Variants in DISC1 observed in about 807,000 individuals in gnomAD.
DISC1 encodes disrupted in schizophrenia 1 protein.
In DISC1, 57 loss-of-function variants were observed where a neutral mutation model predicts 84.5. The ratio of observed to expected loss-of-function variants is 0.67; its 90% CI spans 0.55 to 0.84. The LOEUF (loss-of-function observed/expected upper bound fraction) is 0.84. Ranked by LOEUF, DISC1 falls within the 40% of genes least tolerant of loss-of-function variation. DISC1 has a pLI of 0.00. For synonymous variants in DISC1, 411 were observed against 415.2 expected (o/e 0.99, Z 0.12); for missense variants, 1,000 against 1,057.8 (o/e 0.95, Z 0.76).
At chr1:232,022,393 C>T (rs1212321618) in intron 11 of DISC1, among the ~76,000 whole-genome samples, 1 of 151,686 alleles carries the variant, frequency 6.6e-6, no homozygotes, top group Non-Finnish European at 1.5e-5. Flanking sequence ...CTGCAACCTC[C>T]GCCTCCTGGG....
At chr1:231,918,750 C>T (rs919724039) in intron 9 of DISC1, among the ~76,000 whole-genome samples, 1 of 152,118 alleles carries the variant, frequency 6.6e-6, no homozygotes, top group African/African-American at 2.4e-5. Context: ...TGAGAACAAG[C>T]CCAGCAGGAA....
At chr1:231,682,017 T>C (rs2125558733) in intron 1 of DISC1, among the ~76,000 whole-genome samples, 1 of 152,276 alleles carries the variant, frequency 6.6e-6, no homozygotes, top group East Asian at 1.9e-4. Flanking sequence ...TAATTTTTAA[T>C]ATTATGTGCA....
chr1:231,758,111 C>A (rs1050381678), intron 4 of DISC1, among the ~76,000 whole-genome samples: 2 of 151,876 alleles, frequency 1.3e-5, no homozygotes, highest in Non-Finnish European at 2.9e-5. Context: ...TACTAGGAAC[C>A]TTTTGGCCAA....
chr1:231,836,360 G>A (rs2082631830), intron 9 of DISC1, among the ~76,000 whole-genome samples: 1 of 152,114 alleles, frequency 6.6e-6, no homozygotes, highest in African/African-American at 2.4e-5. Context: ...TCAAAGAAAT[G>A]GTAGAGAAAG....
intron 1 of DISC1, among the ~76,000 whole-genome samples, chr1:231,688,397 ATGCGTC>A (rs2064568783): frequency 6.6e-6 from 1 of 152,234 alleles, no homozygotes; most frequent in Non-Finnish European, 1.5e-5. Flanking sequence ...AACTCACAAA[ATGCGTC>A]TGCATCGGGA....
intron 2 of DISC1, among the ~76,000 whole-genome samples, chr1:231,700,957 A>G (rs1261978965): frequency 2.0e-5 from 3 of 152,238 alleles, no homozygotes; most frequent in African/African-American, 7.2e-5. Context: ...TAGGCCAAGA[A>G]TTCATTGTCA....
intron 9 of DISC1, among the ~76,000 whole-genome samples, chr1:231,894,745 T>TTGTG (rs3222846): frequency 2.8e-4 from 40 of 144,486 alleles, no homozygotes; most frequent in South Asian, 1.1e-3. Context: ...GTGTCATCTG[T>TTGTG]TGTGTGTGTG....
chr1:231,928,305 G>C (rs12067117), intron 9 of DISC1, among the ~76,000 whole-genome samples: 2,593 of 152,288 alleles, frequency 0.017, 82 homozygotes, highest in African/African-American at 0.057. Context: ...TGTCCTGTTG[G>C]GGGGCTTTTC....
intron 3 of DISC1, among the ~76,000 whole-genome samples, chr1:231,744,112 G>A (rs2073678045): frequency 6.6e-6 from 1 of 152,188 alleles, no homozygotes; most frequent in Admixed American, 6.5e-5. Context: ...GGCTTATAGA[G>A]CCATAAGAAC....
chr1:231,773,575 A>G (rs530391115), intron 6 of DISC1, among the ~76,000 whole-genome samples: 113 of 152,110 alleles, frequency 7.4e-4, no homozygotes, highest in Admixed American at 1.6e-3. Flanking sequence ...TAGTAGAGAC[A>G]GGGTTTCACC....
chr1:231,674,114 T>G (rs1416062672), intron 1 of DISC1, among the ~76,000 whole-genome samples: 1 of 152,174 alleles, frequency 6.6e-6, no homozygotes, highest in African/African-American at 2.4e-5. Context: ...CTTACCTCAT[T>G]CAGTTTTGGC....
At position 231,864,802 on chromosome 1, in the gene DISC1, T is replaced by C. The variant is rs191975388; in HGVS notation, c.1981+46285T>C. Among the ~76,000 whole-genome samples the C allele has an allele frequency of 2.6e-4, 40 of 152,358 alleles. No individual in the cohort carries two copies. The East Asian group carries it at 5.2e-3, about 20-fold the overall frequency. On this transcript the variant is annotated intron_variant, in intron 9 of 12. Transcript: ENST00000439617. ...TTATACAAAAATTCTTGTATATTGT[T>C]CCTTCCAATTTTATTTTTGTTTTGA...
At chr1:231,722,964 T>C (rs1237714423) in intron 3 of DISC1, 34 of 1,186,698 alleles carry the variant, frequency 2.9e-5, no homozygotes, top group Non-Finnish European at 3.6e-5. Flanking sequence ...ATGCTATGAT[T>C]AATGTCAGTT....
intron 9 of DISC1, among the ~76,000 whole-genome samples, chr1:231,910,740 C>G (rs906784046): frequency 6.6e-6 from 1 of 152,106 alleles, no homozygotes; most frequent in Non-Finnish European, 1.5e-5. Flanking sequence ...TGTTAACTTT[C>G]TGTCTGGTTG....
intron 9 of DISC1, among the ~76,000 whole-genome samples, chr1:231,828,030 A>G (rs74144143): frequency 0.012 from 1,812 of 152,278 alleles, 34 homozygotes; most frequent in African/African-American, 0.041. Context: ...CTGATGACAC[A>G]CTTTGCTTTT....
chr1:231,913,659 C>T (rs1017970515), intron 9 of DISC1, among the ~76,000 whole-genome samples: 3 of 152,180 alleles, frequency 2.0e-5, no homozygotes, highest in Non-Finnish European at 2.9e-5. Flanking sequence ...GGCCAGCAGT[C>T]ATCTGAGTTT....
At chr1:232,017,350 G>A (rs1171136182) in intron 11 of DISC1, among the ~76,000 whole-genome samples, 1 of 152,058 alleles carries the variant, frequency 6.6e-6, no homozygotes, top group East Asian at 1.9e-4. Context: ...TTTTTGGCTT[G>A]TAAGCATGTA....
chr1:231,819,249 A>G (rs1345652658), intron 9 of DISC1: 1 of 715,678 alleles, frequency 1.4e-6, no homozygotes, highest in Non-Finnish European at 1.7e-6. Flanking sequence ...TATTTTACAA[A>G]GTATGCTTAT....
chr1:231,937,579 C>A (rs533834658), intron 9 of DISC1, among the ~76,000 whole-genome samples: 1 of 152,186 alleles, frequency 6.6e-6, no homozygotes, highest in South Asian at 2.1e-4. Flanking sequence ...TCCTGGCCCC[C>A]GGCCAGGGTT....
Sources: gnomAD v4.1 joint callset for allele counts (sites outside exome capture counted in the v4.1 genomes callset) on GRCh38, gnomAD v4.1.1 for gene constraint, MANE v1.5 for transcripts, NCBI Gene and HGNC (gene_info 2026-07-23, HGNC 2026-07-21) for gene names.